ATP11A: variants seen among roughly 807,000 people sequenced by gnomAD.
The protein encoded by ATP11A is ATPase phospholipid transporting 11A, also known as phospholipid-transporting ATPase IH.
ATP11A carries 81 observed loss-of-function variants against 154.4 expected under a neutral mutation model. That is an observed-to-expected ratio of 0.52 (90% CI 0.44 to 0.63). The LOEUF is 0.63. Ranked by LOEUF, ATP11A falls within the 30% of genes least tolerant of loss-of-function variation. The pLI, the probability that ATP11A is intolerant of heterozygous loss-of-function variation, is 0.00. For synonymous variants in ATP11A, 623 were observed against 585.9 expected (o/e 1.06, Z -0.91); for missense variants, 1,316 against 1,474.3 (o/e 0.89, Z 1.76).
chr13:112,879,722 G>A (rs1008316346), intron 29 of ATP11A, among the ~76,000 whole-genome samples: 2 of 152,226 alleles, frequency 1.3e-5, no homozygotes, highest in African/African-American at 2.4e-5. Flanking sequence ...GGAACACGCC[G>A]TGGCGCCGAG....
At chr13:112,863,582 G>T (rs1450478679) in intron 25 of ATP11A, among the ~76,000 whole-genome samples, 3 of 149,670 alleles carry the variant, frequency 2.0e-5, no homozygotes, top group Non-Finnish European at 4.4e-5. Flanking sequence ...CAGTAATTCA[G>T]TGCGGCCCAT....
chr13:112,875,933 A>T lies in ATP11A; in HGVS notation c.3319A>T (p.Arg1107Ter). 1 of 1,611,228 alleles carries T rather than the reference A, an allele frequency of 6.2e-7. No individual in the cohort carries two copies. Among genetic ancestry groups the T allele is most frequent in the Non-Finnish European group, 8.5e-7 (1 of 1,179,952 alleles). The change falls in exon 28 of 30, where the codon AGA becomes TGA. Residue 1107 changes from arginine (R) to a stop codon, truncating the protein, a stop_gained. Transcript: ENST00000375645. LOFTEE classifies it high-confidence loss of function. This position sits in a 1 kb window ranked among gnomAD's most constrained non-coding sequence, Gnocchi z 4.1. ...CRQLWPTATE[R>*]VQTKSQCLSV... is the part of the protein sequence containing the mutation. ...GCAGCTGTGGCCAACAGCAACAGAG[A>T]GAGTCCAGGTACGGAGTGTCCCCAG...
chr13:112,837,779 G>A (rs950021496), intron 16 of ATP11A, among the ~76,000 whole-genome samples: 18 of 151,958 alleles, frequency 1.2e-4, no homozygotes, highest in African/African-American at 3.1e-4. Context: ...CAGTGCCGTC[G>A]GGCACCCTTC....
At chr13:112,767,541 AG>A (rs1425626355) in intron 1 of ATP11A, among the ~76,000 whole-genome samples, 6 of 148,936 alleles carry the variant, frequency 4.0e-5, no homozygotes, top group Non-Finnish European at 9.0e-5. Flanking sequence ...GAAGGTAGGG[AG>A]GATGTGGGGG....
rs1440500173 is a variant in ATP11A at position 112,843,293 on chromosome 13, C to T, written c.1809+914C>T. ...TGGGTGACGCATGGCCGGGTGGGCG[C>T]GTTCCCTCCCATCAGATGCCCTAAC... On this transcript the variant is annotated intron_variant, in intron 17 of 29. Coordinates refer to ENST00000375645, the MANE Select transcript of ATP11A (RefSeq NM_015205.3). Among the ~76,000 whole-genome samples, 5 of 151,578 alleles carry T rather than the reference C, an allele frequency of 3.3e-5. No individual in the cohort carries two copies. The South Asian group carries it at 6.3e-4, about 19-fold the overall frequency.
intron 1 of ATP11A, among the ~76,000 whole-genome samples, chr13:112,777,062 A>C (rs1166552623): frequency 1.3e-5 from 2 of 152,148 alleles, no homozygotes; most frequent in Admixed American, 6.5e-5. Context: ...CTCCTGTGGC[A>C]GTGGCCTCAG....
In ATP11A at chr13:112,697,497, T is replaced by C. The variant is rs1362508199; in HGVS notation, c.39+7042T>C. Among the ~76,000 whole-genome samples the C allele has an allele frequency of 6.6e-6, 1 of 152,192 alleles. No homozygotes were observed. Among genetic ancestry groups the C allele is most frequent in the Non-Finnish European group, 1.5e-5 (1 of 68,034 alleles). On this transcript the variant is annotated intron_variant, in intron 1 of 29. Transcript: ENST00000375645. This position sits in a 1 kb window ranked among gnomAD's most constrained non-coding sequence, Gnocchi z 4.0. Reference sequence around the variant, plus strand: ...TTCAGGGAGAGCAGCCGCAGTGCCCTGTCCCCAGAGCCTGGTGTCCAGAGC... The same window carrying C: ...TTCAGGGAGAGCAGCCGCAGTGCCCCGTCCCCAGAGCCTGGTGTCCAGAGC...
intron 3 of ATP11A, among the ~76,000 whole-genome samples, chr13:112,805,598 C>G (rs765439198): frequency 4.0e-5 from 6 of 151,462 alleles, no homozygotes; most frequent in Non-Finnish European, 5.9e-5. Context: ...ATCACTTGAT[C>G]CCAGGAGTGG....
chr13:112,785,168 A>G lies in ATP11A; in HGVS notation c.73A>G (p.Thr25Ala). 1.3e-6 allele frequency: 2 copies of G among 1,572,238 alleles called. No individual in the cohort carries two copies. The highest frequency in any genetic ancestry group is 1.7e-4 in the Middle Eastern group (1 of 5,922). The change falls in exon 2 of 30, where the codon ACC (threonine) becomes GCC (alanine). Residue 25 changes from threonine (T) to alanine (A), a missense_variant. Thr to Ala is a moderately conservative substitution (Grantham distance 58). Coordinates refer to ENST00000375645, the MANE Select transcript of ATP11A (RefSeq NM_015205.3). The surrounding 1 kb of genome is among the most constrained non-coding windows in gnomAD (Gnocchi z 4.8). ...AGAAGAGAATTGGGTGGACAGCAGG[A>G]CCATCTACGTGGGACACAGGGAGCC... Reference protein sequence around the residue: ...AGEENWVDSRTIYVGHREPPP... With the variant: ...AGEENWVDSRAIYVGHREPPP...
rs2080979636 is a variant in ATP11A at position 112,886,269 on chromosome 13, G to GT, written c.*4404dup. 1 of 145,670 alleles carries GT rather than the reference G, an allele frequency of 6.9e-6. No homozygotes were observed. The highest frequency in any genetic ancestry group is 2.4e-5 in the African/African-American group (1 of 40,964). 9.0% of individuals were successfully genotyped at this position (145,670 alleles called of 1,614,324 possible). A position where few individuals can be genotyped will look rare whatever the true frequency, so the allele number is the denominator to read the frequency against. On this transcript the variant is annotated 3_prime_UTR_variant, in exon 30 of 30. Coordinates refer to ENST00000375645, the MANE Select transcript of ATP11A (RefSeq NM_015205.3). ...GTTTAAACAAATGTTTAGACAGGCT[G>GT]TGGGGACTCCCCTGAGTTGAGCCTT...
intron 1 of ATP11A, among the ~76,000 whole-genome samples, chr13:112,705,213 T>C (rs1267766524): frequency 1.3e-5 from 2 of 152,060 alleles, no homozygotes; most frequent in East Asian, 3.8e-4. Flanking sequence ...TCATGGTGGC[T>C]GGAGTTTCCT....
intron 25 of ATP11A, among the ~76,000 whole-genome samples, chr13:112,869,679 G>C (rs544376744): frequency 6.6e-6 from 1 of 152,328 alleles, no homozygotes; most frequent in East Asian, 1.9e-4. Context: ...GGTTGTCTGG[G>C]TGCAAAGCCG....
At chr13:112,779,399 T>G (rs928651131) in intron 1 of ATP11A, among the ~76,000 whole-genome samples, 7 of 142,288 alleles carry the variant, frequency 4.9e-5, no homozygotes, top group African/African-American at 1.6e-4. Context: ...GCCGCTGGAG[T>G]GAGGAGTAGC....
At position 112,697,126 on chromosome 13, in the gene ATP11A, G is replaced by A. The variant is rs1003466373; in HGVS notation, c.39+6671G>A. ...AGGGGCGGCCCACGCAGCAGCCTCT[G>A]GGAGCCCTGGGGCCTTCCGTGGGCT... On this transcript the variant is annotated intron_variant, in intron 1 of 29. Coordinates refer to ENST00000375645, the MANE Select transcript of ATP11A (RefSeq NM_015205.3). This position sits in a 1 kb window ranked among gnomAD's most constrained non-coding sequence, Gnocchi z 4.0. Among the ~76,000 whole-genome samples the A allele has an allele frequency of 6.6e-6, 1 of 152,166 alleles. No individual in the cohort carries two copies. The highest frequency in any genetic ancestry group is 1.5e-5 in the Non-Finnish European group (1 of 68,016).
chr13:112,729,711 C>G (rs1890288969), intron 1 of ATP11A, among the ~76,000 whole-genome samples: 1 of 152,260 alleles, frequency 6.6e-6, no homozygotes. Flanking sequence ...GTCCTGCTAT[C>G]TTTAGCTGAT....
intron 1 of ATP11A, among the ~76,000 whole-genome samples, chr13:112,712,524 G>A (rs929592326): frequency 4.6e-5 from 7 of 152,142 alleles, no homozygotes; most frequent in African/African-American, 1.7e-4. Flanking sequence ...ACCCCGTCCT[G>A]TCCTTGTCTA....
chr13:112,860,461 G>A, intron 24 of ATP11A, 47 bp downstream of exon 24: 2 of 1,607,480 alleles, frequency 1.2e-6, no homozygotes, highest in Non-Finnish European at 1.7e-6. Flanking sequence ...AGAGTAACTA[G>A]GCAGCACTCT....
At chr13:112,874,187 C>T (rs9549594) in intron 27 of ATP11A, among the ~76,000 whole-genome samples, 8 of 151,556 alleles carry the variant, frequency 5.3e-5, no homozygotes, top group Non-Finnish European at 1.2e-4. Context: ...CCTGACTCAT[C>T]GGGGAGCCTC....
intron 1 of ATP11A, among the ~76,000 whole-genome samples, chr13:112,738,029 A>G (rs969338697): frequency 6.6e-6 from 1 of 152,094 alleles, no homozygotes; most frequent in African/African-American, 2.4e-5. Context: ...CAACATTCCC[A>G]TATCTGTTCA....
Sources: allele counts gnomAD v4.1 joint callset (sites outside exome capture counted in the v4.1 genomes callset), GRCh38; gene constraint gnomAD v4.1.1; non-coding constraint Gnocchi (gnomAD v3.1); transcripts MANE v1.5; gene names NCBI Gene and HGNC (gene_info 2026-07-23, HGNC 2026-07-21).